Variants in CHODL observed in about 807,000 individuals in gnomAD.
CHODL encodes the protein transmembrane protein MT75.
Under a neutral mutation model 34.5 loss-of-function variants are expected in CHODL, and 29 were observed. The observed-to-expected ratio is 0.84, with a 90% confidence interval of 0.63 to 1.15. CHODL has a LOEUF of 1.15. Ranked by LOEUF, CHODL falls within the 50% of genes most tolerant of loss-of-function variation. CHODL has a pLI of 0.00. For synonymous variants in CHODL, 125 were observed against 116.1 expected (o/e 1.08, Z -0.49); for missense variants, 332 against 332.5 (o/e 1.00, Z 0.01).
chr21:18,123,956 G>T (rs2065511546), intron 2 of CHODL, among the ~76,000 whole-genome samples: 1 of 152,144 alleles, frequency 6.6e-6, no homozygotes, highest in Non-Finnish European at 1.5e-5. Context: ...GCCGAGGCGG[G>T]CGGATCATCT....
At chr21:18,177,143 T>C (rs1365477077) in intron 2 of CHODL, among the ~76,000 whole-genome samples, 2 of 152,036 alleles carry the variant, frequency 1.3e-5, no homozygotes, top group Non-Finnish European at 2.9e-5. Flanking sequence ...ATAATAATTA[T>C]ACAAATAATA....
chr21:18,212,890 G>A (rs563936591), intron 2 of CHODL, among the ~76,000 whole-genome samples: 1 of 152,086 alleles, frequency 6.6e-6, no homozygotes, highest in African/African-American at 2.4e-5. Context: ...TATCTTAGCT[G>A]GAACTACAAA....
chr21:18,231,581 TA>T lies in CHODL; in HGVS notation c.-44-24927del, dbSNP rs575755593. Among the ~76,000 whole-genome samples the T allele has an allele frequency of 1.9e-3, 282 of 152,284 alleles. 2 individuals carry two copies. Among genetic ancestry groups the T allele is most frequent in the African/African-American group, 6.6e-3 (274 of 41,574 alleles). On this transcript the variant is annotated intron_variant, in intron 2 of 6. Coordinates refer to the CHODL transcript ENST00000400127. ...GCTTGCCTTGCATTGTTTTTTAACC[TA>T]TTGAAAAGAGTATCTGATACATACC...
intron 5 of CHODL, among the ~76,000 whole-genome samples, chr21:18,265,443 A>T (rs2074447423): frequency 6.6e-6 from 1 of 152,058 alleles, no homozygotes; most frequent in African/African-American, 2.4e-5. Flanking sequence ...AGCATCGTAC[A>T]TTCTCACTCA....
chr21:18,181,840 C>T (rs2146677697), intron 2 of CHODL, among the ~76,000 whole-genome samples: 1 of 152,230 alleles, frequency 6.6e-6, no homozygotes, highest in South Asian at 2.1e-4. Flanking sequence ...TAATTCATTC[C>T]AAGGCTCCTC....
rs1189850005 is a variant in CHODL, at chr21:18,168,118, C to G, written c.-44-88391C>G. Among the ~76,000 whole-genome samples, 4 of 152,154 alleles carry G rather than the reference C, an allele frequency of 2.6e-5. No individual in the cohort carries two copies. In the East Asian group the frequency reaches 7.7e-4, roughly 29 times the overall value. Reference sequence around the variant, plus strand: ...TCCTGGACCTATACCAGTGGTTTGCCAGGGTCTCTCAGACCTTCCCACCGC... The same window carrying G: ...TCCTGGACCTATACCAGTGGTTTGCGAGGGTCTCTCAGACCTTCCCACCGC... On this transcript the variant is annotated intron_variant, in intron 2 of 6. Coordinates refer to the CHODL transcript ENST00000400127.
At chr21:18,003,134 A>AC (rs1187611133) in intron 1 of CHODL, among the ~76,000 whole-genome samples, 142 of 127,764 alleles carry the variant, frequency 1.1e-3, no homozygotes, top group South Asian at 3.2e-3. Flanking sequence ...AAAAAAAAAA[A>AC]ACAAAAAAAA....
At position 18,265,956 on chromosome 21, in the gene CHODL, A is replaced by T. The variant is rs751476320; in HGVS notation, c.740A>T (p.Lys247Ile). The change falls in exon 6 of 6, where the codon AAA becomes ATA. Residue 247 changes from lysine to isoleucine, a missense_variant and splice_region_variant. By Grantham distance (102) the Lys-to-Ile change is moderately radical (BLOSUM62 -3). Transcript: ENST00000299295. ...ACATTTTTTCTTATGTTTTTCAGTA[A>T]AGGAAGAACAAAAACTAGTCCAAAC... Reference protein sequence around the residue: ...TCCFQMLHKSKGRTKTSPNQS... With the variant: ...TCCFQMLHKSIGRTKTSPNQS... 9 of 1,609,020 alleles carry T rather than the reference A, an allele frequency of 5.6e-6. No homozygotes were observed. In the East Asian group the frequency reaches 1.8e-4, roughly 32 times the overall value.
At chr21:18,034,592 T>C (rs1238009948) in intron 2 of CHODL, 2 of 152,058 alleles carry the variant, frequency 1.3e-5, no homozygotes, top group African/African-American at 4.8e-5. Context: ...ATATTTGTAT[T>C]AGCGTGGAGG....
At chr21:17,982,883 C>G (rs182940131) in intron 1 of CHODL, among the ~76,000 whole-genome samples, 7 of 151,616 alleles carry the variant, frequency 4.6e-5, no homozygotes, top group Middle Eastern at 3.4e-3. Context: ...TCCAACCCCC[C>G]CCAGCTAATT....
At chr21:17,943,779 G>T (rs2063384428) in intron 1 of CHODL, among the ~76,000 whole-genome samples, 1 of 152,182 alleles carries the variant, frequency 6.6e-6, no homozygotes, top group Non-Finnish European at 1.5e-5. Flanking sequence ...CCTGGACTCA[G>T]TTTCTACAAT....
At chr21:18,218,756 C>T (rs944429568) in intron 2 of CHODL, among the ~76,000 whole-genome samples, 3 of 152,114 alleles carry the variant, frequency 2.0e-5, no homozygotes, top group Admixed American at 6.6e-5. Context: ...GTTCAAAATT[C>T]CACAGATCTC....
chr21:17,924,917 A>G (rs2063211394), intron 1 of CHODL, among the ~76,000 whole-genome samples: 1 of 152,222 alleles, frequency 6.6e-6, no homozygotes, highest in Non-Finnish European at 1.5e-5. Context: ...GAAGACAAAG[A>G]CACCAATCAA....
chr21:18,070,984 C>T (rs2064797470), intron 2 of CHODL, among the ~76,000 whole-genome samples: 2 of 151,380 alleles, frequency 1.3e-5, no homozygotes, highest in South Asian at 4.2e-4. Context: ...ACTAGTAAAT[C>T]GCAGATATTA....
chr21:18,226,571 T>C (rs2073933169), intron 2 of CHODL, among the ~76,000 whole-genome samples: 2 of 152,160 alleles, frequency 1.3e-5, no homozygotes, highest in Non-Finnish European at 2.9e-5. Context: ...AGTACTGGGA[T>C]TACAGGTGTG....
At chr21:17,999,123 C>T (rs941891769) in intron 1 of CHODL, among the ~76,000 whole-genome samples, 1 of 152,200 alleles carries the variant, frequency 6.6e-6, no homozygotes, top group East Asian at 1.9e-4. Context: ...AATCATCTCT[C>T]TCAAGTTCAA....
intron 2 of CHODL, among the ~76,000 whole-genome samples, chr21:18,150,502 G>A (rs1394865153): frequency 1.3e-5 from 2 of 152,124 alleles, no homozygotes; most frequent in African/African-American, 2.4e-5. Context: ...ATGCCATCAC[G>A]ATTGGGTTCT....
At chr21:18,213,403 A>G (rs1404109754) in intron 2 of CHODL, among the ~76,000 whole-genome samples, 2 of 152,066 alleles carry the variant, frequency 1.3e-5, no homozygotes, top group Non-Finnish European at 2.9e-5. Context: ...GTATACACCA[A>G]CTAAACAACC....
intron 2 of CHODL, among the ~76,000 whole-genome samples, chr21:18,091,314 C>A: frequency 6.6e-6 from 1 of 152,236 alleles, no homozygotes; most frequent in East Asian, 1.9e-4. Context: ...CTAGGCAACT[C>A]AGTGCTAGGC....
Sources: gnomAD v4.1 joint callset for allele counts (sites outside exome capture counted in the v4.1 genomes callset) on GRCh38, gnomAD v4.1.1 for gene constraint, MANE v1.5 for transcripts, NCBI Gene and HGNC (gene_info 2026-07-23, HGNC 2026-07-21) for gene names.